Variants in PRKCE observed in about 807,000 individuals in gnomAD.
The protein encoded by PRKCE is protein kinase C epsilon type.
Under a neutral mutation model 85.4 loss-of-function variants are expected in PRKCE, and 16 were observed. The ratio of observed to expected loss-of-function variants is 0.19; its 90% CI spans 0.13 to 0.28. The LOEUF is 0.28. Among genes scored for constraint, PRKCE ranks in the 10% least tolerant of loss-of-function variants. PRKCE has a pLI of 1.00. For synonymous variants in PRKCE, 388 were observed against 371.5 expected (o/e 1.04, Z -0.51); for missense variants, 573 against 975.2 (o/e 0.59, Z 5.49).
Position 45,652,728 on chromosome 2 carries a change from G to A in PRKCE, c.348+280G>A, listed in dbSNP as rs1353080297. On this transcript the variant is annotated intron_variant, in intron 1 of 14. Transcript: ENST00000306156. This position sits in a 1 kb window ranked among gnomAD's most constrained non-coding sequence, Gnocchi z 7.7. Reference sequence around the variant, plus strand: ...AGGTTTGCAAACTGGGAGAGCCTGGGCCACTGGTGCTGAAGGTTGGCCGAG... The same window carrying A: ...AGGTTTGCAAACTGGGAGAGCCTGGACCACTGGTGCTGAAGGTTGGCCGAG... 1.3e-5 allele frequency among the ~76,000 whole-genome samples: 2 copies of A among 152,212 alleles called. No individual in the cohort carries two copies. Among genetic ancestry groups the A allele is most frequent in the Admixed American group, 1.3e-4 (2 of 15,282 alleles).
At chr2:46,152,501 T>G (rs900169333) in intron 13 of PRKCE, among the ~76,000 whole-genome samples, 6 of 151,634 alleles carry the variant, frequency 4.0e-5, no homozygotes, top group African/African-American at 1.5e-4. Flanking sequence ...CAAAGAAATT[T>G]TATACCATTA....
At chr2:45,859,671 G>C (rs1692984991) in intron 2 of PRKCE, among the ~76,000 whole-genome samples, 2 of 152,100 alleles carry the variant, frequency 1.3e-5, no homozygotes, top group African/African-American at 4.8e-5. Flanking sequence ...GTGCTTCAGA[G>C]GCAGTCATGT....
At position 45,762,953 on chromosome 2, in the gene PRKCE, C is replaced by CTT. The variant is rs769798731; in HGVS notation, c.349-80046_349-80045dup. ...TCTTTCTTTTCTTTTCTTTTCTTTT[C>CTT]TTCTTTTTTTTTTTTTGAGACGGAG... On this transcript the variant is annotated intron_variant, in intron 1 of 14. Transcript: ENST00000306156. Among the ~76,000 whole-genome samples, 473 of 111,104 alleles carry CTT rather than the reference C, an allele frequency of 4.3e-3. 2 individuals are homozygous for CTT. The highest frequency in any genetic ancestry group is 0.018 in the East Asian group (52 of 2,862). 72.9% of individuals were successfully genotyped at this position (111,104 alleles called of 152,430 possible).
intron 1 of PRKCE, among the ~76,000 whole-genome samples, chr2:45,664,407 A>T (rs1558536072): frequency 6.6e-6 from 1 of 152,226 alleles, no homozygotes; most frequent in Non-Finnish European, 1.5e-5. Flanking sequence ...ATGGTTAACT[A>T]CTTATTATTG....
At chr2:45,915,542 A>G (rs925324857) in intron 2 of PRKCE, among the ~76,000 whole-genome samples, 3 of 152,188 alleles carry the variant, frequency 2.0e-5, no homozygotes, top group African/African-American at 7.2e-5. Context: ...TCTTTCCAGG[A>G]GCAAGTTGTT....
chr2:46,015,532 C>A (rs576794671), intron 10 of PRKCE, among the ~76,000 whole-genome samples: 1 of 152,160 alleles, frequency 6.6e-6, no homozygotes, highest in African/African-American at 2.4e-5. Context: ...AGGGAAAATG[C>A]AGCATGGAAA....
At chr2:45,869,518 C>T (rs1050477402) in intron 2 of PRKCE, among the ~76,000 whole-genome samples, 5 of 152,198 alleles carry the variant, frequency 3.3e-5, no homozygotes, top group South Asian at 2.1e-4. Flanking sequence ...ACACATGCTA[C>T]CTGTTTTTTC....
At chr2:46,093,352 A>G (rs1425127851) in intron 11 of PRKCE, among the ~76,000 whole-genome samples, 15 of 152,224 alleles carry the variant, frequency 9.9e-5, no homozygotes, top group Non-Finnish European at 2.9e-5. Flanking sequence ...AGTCAAAGAT[A>G]TACATACAGA....
chr2:46,131,888 C>T (rs1364475935), intron 11 of PRKCE, among the ~76,000 whole-genome samples: 1 of 152,142 alleles, frequency 6.6e-6, no homozygotes, highest in Non-Finnish European at 1.5e-5. Flanking sequence ...ACTTTCTTTA[C>T]TAAAGCTATT....
chr2:46,097,226 G>A (rs1258711557), intron 11 of PRKCE, among the ~76,000 whole-genome samples: 2 of 152,114 alleles, frequency 1.3e-5, no homozygotes, highest in Non-Finnish European at 2.9e-5. Flanking sequence ...GCATTATAAA[G>A]CTGCAAAGTC....
At chr2:45,940,435 A>G (rs566285250) in intron 2 of PRKCE, among the ~76,000 whole-genome samples, 1 of 152,344 alleles carries the variant, frequency 6.6e-6, no homozygotes, top group East Asian at 1.9e-4. Flanking sequence ...ATGTGTTTAT[A>G]ATTTATATGA....
chr2:45,921,357 C>T (rs1312232511), intron 2 of PRKCE, among the ~76,000 whole-genome samples: 1 of 152,174 alleles, frequency 6.6e-6, no homozygotes, highest in African/African-American at 2.4e-5. Context: ...AAAAAAAACA[C>T]ATACGTAGAT....
chr2:45,677,823 C>G (rs905317451), intron 1 of PRKCE: 1 of 985,062 alleles, frequency 1.0e-6, no homozygotes, highest in African/African-American at 1.7e-5. Context: ...GTGGAAAATT[C>G]TGTTTCAGAG....
intron 1 of PRKCE, among the ~76,000 whole-genome samples, chr2:45,807,989 C>G (rs1306457130): frequency 2.6e-5 from 4 of 152,068 alleles, no homozygotes; most frequent in Non-Finnish European, 4.4e-5. Context: ...CCCCCTGCAT[C>G]TGGACTATCA....
intron 1 of PRKCE, among the ~76,000 whole-genome samples, chr2:45,751,536 T>A (rs567688422): frequency 3.5e-4 from 53 of 152,242 alleles, no homozygotes; most frequent in African/African-American, 1.3e-3. Context: ...TGTATAACTC[T>A]TGTTTCTCTA....
intron 2 of PRKCE, among the ~76,000 whole-genome samples, chr2:45,886,519 C>G (rs1695315044): frequency 6.6e-6 from 1 of 152,202 alleles, no homozygotes; most frequent in Non-Finnish European, 1.5e-5. Flanking sequence ...TAAACATAAA[C>G]AGCAACAGTA....
chr2:45,927,031 G>A (rs753360200), intron 2 of PRKCE, among the ~76,000 whole-genome samples: 14 of 152,216 alleles, frequency 9.2e-5, no homozygotes, highest in Non-Finnish European at 1.8e-4. Flanking sequence ...ACGTGTGAGT[G>A]TGCATGGGAC....
intron 11 of PRKCE, among the ~76,000 whole-genome samples, chr2:46,118,149 G>C (rs1199998430): frequency 6.6e-6 from 1 of 152,232 alleles, no homozygotes; most frequent in Non-Finnish European, 1.5e-5. Context: ...TAGAGGAAAA[G>C]CTTAGAGGAC....
intron 1 of PRKCE, among the ~76,000 whole-genome samples, chr2:45,828,090 G>A (rs1302261549): frequency 5.9e-5 from 9 of 152,194 alleles, no homozygotes; most frequent in Admixed American, 5.9e-4. Context: ...GCCCATTCCT[G>A]ATCAATGAAG....
Sources: allele counts gnomAD v4.1 joint callset (sites outside exome capture counted in the v4.1 genomes callset), GRCh38; gene constraint gnomAD v4.1.1; non-coding constraint Gnocchi (gnomAD v3.1); transcripts MANE v1.5; gene names NCBI Gene and HGNC (gene_info 2026-07-23, HGNC 2026-07-21).